Variants in GALNTL6 observed in about 807,000 individuals in gnomAD.
GALNTL6 encodes polypeptide N-acetylgalactosaminyltransferase-like 6.
A neutral mutation model predicts 73.7 loss-of-function variants in GALNTL6; 46 were observed. The ratio of observed to expected loss-of-function variants is 0.62; its 90% confidence interval spans 0.49 to 0.80. The LOEUF is 0.80. Among genes scored for constraint, GALNTL6 ranks in the 30% least tolerant of loss-of-function variants. The pLI is 0.00. For synonymous variants in GALNTL6, 259 were observed against 263.7 expected, an observed-to-expected ratio of 0.98 and a Z score of 0.17; for missense variants, 604 against 755.0, an observed-to-expected ratio of 0.80 and a Z score of 2.34.
chr4:172,549,211 G>A (rs529766041), intron 5 of GALNTL6, among the ~76,000 whole-genome samples: 2 of 152,070 alleles, frequency 1.3e-5, no homozygotes, highest in Admixed American at 6.5e-5. Flanking sequence ...AACTTGCATC[G>A]TTTTTATCTT....
intron 2 of GALNTL6, among the ~76,000 whole-genome samples, chr4:172,047,998 G>A (rs72984597): frequency 0.062 from 9,377 of 152,026 alleles, 436 homozygotes; most frequent in East Asian, 0.24. Flanking sequence ...CAACCTAATA[G>A]CAGTGTTACT....
intron 5 of GALNTL6, among the ~76,000 whole-genome samples, chr4:172,604,282 T>A (rs924065619): frequency 1.3e-5 from 2 of 152,174 alleles, no homozygotes; most frequent in Admixed American, 6.5e-5. Flanking sequence ...GAGTATATAT[T>A]ACATATCTAG....
At chr4:172,762,465 G>A (rs1213920367) in intron 5 of GALNTL6, among the ~76,000 whole-genome samples, 2 of 135,170 alleles carry the variant, frequency 1.5e-5, no homozygotes, top group East Asian at 2.1e-4. Context: ...AAAAAAAAAA[G>A]GAGTAACATG....
At chr4:172,460,069 A>G (rs1295716532) in intron 5 of GALNTL6, among the ~76,000 whole-genome samples, 4 of 152,212 alleles carry the variant, frequency 2.6e-5, no homozygotes, top group African/African-American at 4.8e-5. Context: ...AATGCCACAC[A>G]TCTACAACCA....
chr4:172,382,317 G>A (rs1175819441), intron 5 of GALNTL6, among the ~76,000 whole-genome samples: 1 of 151,918 alleles, frequency 6.6e-6, no homozygotes, highest in African/African-American at 2.4e-5. Context: ...TTAGGTGTGA[G>A]GTAGTATTTC....
chr4:172,359,958 T>C (rs566482870), intron 5 of GALNTL6, among the ~76,000 whole-genome samples: 174 of 152,284 alleles, frequency 1.1e-3, no homozygotes, highest in African/African-American at 4.2e-3. Context: ...GAACATATTG[T>C]TTTTGCTAAA....
chr4:171,892,340 G>T (rs1396281864), intron 2 of GALNTL6, among the ~76,000 whole-genome samples: 6 of 152,124 alleles, frequency 3.9e-5, no homozygotes, highest in African/African-American at 1.4e-4. Context: ...GCTTCTCAAG[G>T]TGGCATGTTC....
At chr4:172,757,761 T>C (rs1737833660) in intron 5 of GALNTL6, among the ~76,000 whole-genome samples, 1 of 152,236 alleles carries the variant, frequency 6.6e-6, no homozygotes, top group African/African-American at 2.4e-5. Flanking sequence ...CAATTGAATG[T>C]GGTCTACCTT....
At position 172,219,079 on chromosome 4, in the gene GALNTL6, T is replaced by C. The variant is rs1000831360; in HGVS notation, c.139-10577T>C. 8.4e-4 allele frequency among the ~76,000 whole-genome samples: 126 copies of C among 150,180 alleles called. 1 individual carries two copies. The highest frequency in any genetic ancestry group is 3.0e-3 in the African/African-American group (122 of 41,044). ...AACTCCTGAAAGAATATGAAATTTC[T>C]GTCCATTTCAGACATTTGGGAAGGC... On this transcript the variant is annotated intron_variant, in intron 2 of 12. Transcript: ENST00000506823.
intron 7 of GALNTL6, among the ~76,000 whole-genome samples, chr4:172,874,086 A>G (rs1464753624): frequency 6.6e-6 from 1 of 152,256 alleles, no homozygotes; most frequent in Non-Finnish European, 1.5e-5. Context: ...TTTAATAACA[A>G]GCATTTATTT....
chr4:172,348,511 C>T lies in GALNTL6; in HGVS notation c.387-12C>T, dbSNP rs115947908. On this transcript the variant is annotated splice_polypyrimidine_tract_variant and intron_variant, in intron 4 of 12. Transcript: ENST00000506823. ...GTATTTGACACACCATTTTCTTTTC[C>T]CTCATCTCCAGCTGTAAGCATAAGA... 3.9e-4 allele frequency: 620 copies of T among 1,602,568 alleles called. 3 individuals are homozygous for T. In the African/African-American group the frequency reaches 7.6e-3, roughly 20 times the overall value.
intron 2 of GALNTL6, among the ~76,000 whole-genome samples, chr4:172,170,906 T>G (rs1320803174): frequency 2.0e-5 from 3 of 152,248 alleles, no homozygotes; most frequent in Non-Finnish European, 2.9e-5. Flanking sequence ...TTTACATATG[T>G]GCATGGTGAT....
At chr4:172,300,271 T>C (rs1020251447) in intron 3 of GALNTL6, among the ~76,000 whole-genome samples, 1 of 152,132 alleles carries the variant, frequency 6.6e-6, no homozygotes, top group Non-Finnish European at 1.5e-5. Flanking sequence ...TGTCTCTGCA[T>C]GTGAGATGGG....
chr4:172,921,424 G>T (rs1384288103), intron 8 of GALNTL6, among the ~76,000 whole-genome samples: 1 of 152,060 alleles, frequency 6.6e-6, no homozygotes, highest in Admixed American at 6.6e-5. Context: ...TTCAGGTTGT[G>T]GCTGATATAG....
At chr4:172,542,791 TAGAA>T (rs1291177186) in intron 5 of GALNTL6, among the ~76,000 whole-genome samples, 6 of 152,032 alleles carry the variant, frequency 3.9e-5, no homozygotes, top group Non-Finnish European at 8.8e-5. Context: ...TCCACAAAGG[TAGAA>T]AGAAACAGCT....
chr4:172,754,430 G>C (rs1036364791), intron 5 of GALNTL6, among the ~76,000 whole-genome samples: 2 of 152,120 alleles, frequency 1.3e-5, no homozygotes, highest in Non-Finnish European at 2.9e-5. Flanking sequence ...AAATTAGCCA[G>C]ATGTGATGGT....
At chr4:172,436,767 G>A (rs1218723335) in intron 5 of GALNTL6, among the ~76,000 whole-genome samples, 1 of 151,998 alleles carries the variant, frequency 6.6e-6, no homozygotes, top group Non-Finnish European at 1.5e-5. Flanking sequence ...AGGAGTTGTT[G>A]TCATGTTCCC....
At chr4:172,276,526 G>T (rs1738838173) in intron 3 of GALNTL6, among the ~76,000 whole-genome samples, 1 of 152,108 alleles carries the variant, frequency 6.6e-6, no homozygotes, top group South Asian at 2.1e-4. Flanking sequence ...CTTAAAAATT[G>T]CTCAACCTGC....
At chr4:172,606,572 CATAGTATATGTATAT>C (rs1738280567) in intron 5 of GALNTL6, among the ~76,000 whole-genome samples, 1 of 131,442 alleles carries the variant, frequency 7.6e-6, no homozygotes, top group African/African-American at 2.8e-5. Flanking sequence ...TATACATATA[CATAGTATATGTATAT>C]ATATACACAT....
Sources: allele counts gnomAD v4.1 joint callset (sites outside exome capture counted in the v4.1 genomes callset), GRCh38; gene constraint gnomAD v4.1.1; transcripts MANE v1.5; gene names NCBI Gene and HGNC (gene_info 2026-07-23, HGNC 2026-07-21).